Variants in CPQ observed in about 807,000 individuals in gnomAD.
CPQ encodes carboxypeptidase Q.
CPQ carries 37 observed loss-of-function variants against 45.7 expected under a neutral mutation model. That is an observed-to-expected ratio of 0.81 (90% CI 0.62 to 1.07). The LOEUF is 1.07. Among genes scored for constraint, CPQ ranks in the 50% least tolerant of loss-of-function variants. CPQ has a pLI of 0.00. For missense variants in CPQ, 537 were observed against 572.9 expected (o/e 0.94, Z 0.64); for synonymous variants, 186 against 205.8 (o/e 0.90, Z 0.82).
intron 2 of CPQ, among the ~76,000 whole-genome samples, chr8:96,804,529 A>C (rs1445067220): frequency 6.6e-6 from 1 of 152,084 alleles, no homozygotes; most frequent in African/African-American, 2.4e-5. Context: ...TTTATTTGAT[A>C]CAAGAATTCC....
intron 7 of CPQ, among the ~76,000 whole-genome samples, chr8:97,083,320 GC>G (rs1430354272): frequency 6.6e-6 from 1 of 152,102 alleles, no homozygotes; most frequent in Non-Finnish European, 1.5e-5. Context: ...GGATGACTGG[GC>G]ATGTACTCGA....
At chr8:96,906,469 A>G (rs11988118) in intron 4 of CPQ, among the ~76,000 whole-genome samples, 2 of 152,180 alleles carry the variant, frequency 1.3e-5, no homozygotes, top group Non-Finnish European at 2.9e-5. Flanking sequence ...GTATGTATGC[A>G]TATATGTGTA....
chr8:96,992,714 T>C (rs1395057090), intron 5 of CPQ, among the ~76,000 whole-genome samples: 2 of 152,144 alleles, frequency 1.3e-5, no homozygotes, highest in Admixed American at 1.3e-4. Flanking sequence ...TATTAATAAG[T>C]ATTCAATAAA....
intron 6 of CPQ, among the ~76,000 whole-genome samples, chr8:97,038,609 T>G (rs940987755): frequency 2.1e-4 from 32 of 152,106 alleles, no homozygotes; most frequent in African/African-American, 7.7e-4. Context: ...GCAAACCACT[T>G]TTCAATCACC....
intron 1 of CPQ, among the ~76,000 whole-genome samples, chr8:96,771,111 A>G (rs1810538527): frequency 6.8e-6 from 1 of 147,378 alleles, no homozygotes. Context: ...ATAAATATAT[A>G]TATTTATATA....
chr8:96,979,109 T>A (rs998643127), intron 5 of CPQ, among the ~76,000 whole-genome samples: 2 of 150,190 alleles, frequency 1.3e-5, no homozygotes, highest in Non-Finnish European at 3.0e-5. Context: ...GAGTAGAAGA[T>A]GTCTTCATAA....
intron 2 of CPQ, among the ~76,000 whole-genome samples, chr8:96,828,755 C>T (rs2130843832): frequency 6.6e-6 from 1 of 152,204 alleles, no homozygotes; most frequent in East Asian, 1.9e-4. Flanking sequence ...ACCACCATGT[C>T]AGCCATGCTT....
intron 7 of CPQ, among the ~76,000 whole-genome samples, chr8:97,089,508 A>G (rs1226062657): frequency 6.6e-6 from 1 of 152,122 alleles, no homozygotes; most frequent in African/African-American, 2.4e-5. Context: ...ATTTTCTATT[A>G]GTACAGGAAT....
At chr8:96,813,224 A>G (rs1415395639) in intron 2 of CPQ, among the ~76,000 whole-genome samples, 1 of 152,150 alleles carries the variant, frequency 6.6e-6, no homozygotes, top group Non-Finnish European at 1.5e-5. Context: ...CTATGTAATC[A>G]AGAGATATTC....
chr8:96,966,550 G>C (rs1250800789), intron 5 of CPQ, among the ~76,000 whole-genome samples: 2 of 152,168 alleles, frequency 1.3e-5, no homozygotes, highest in African/African-American at 4.8e-5. Flanking sequence ...ATGCATGATA[G>C]GATGTTTTGC....
intron 7 of CPQ, among the ~76,000 whole-genome samples, chr8:97,095,924 A>G (rs188297812): frequency 6.6e-6 from 1 of 152,134 alleles, no homozygotes; most frequent in African/African-American, 2.4e-5. Context: ...TTTTCTTGTC[A>G]CCAAATTCTG....
intron 1 of CPQ, among the ~76,000 whole-genome samples, chr8:96,697,639 A>G (rs1475401143): frequency 1.3e-5 from 2 of 152,134 alleles, no homozygotes; most frequent in African/African-American, 2.4e-5. Flanking sequence ...AAGTATGAGA[A>G]CTGTTCAACA....
At chr8:96,822,291 T>C (rs552581525) in intron 2 of CPQ, among the ~76,000 whole-genome samples, 4 of 152,150 alleles carry the variant, frequency 2.6e-5, no homozygotes, top group Admixed American at 2.0e-4. Flanking sequence ...ATTTCCTTTA[T>C]CCATTCATTC....
At chr8:96,983,333 A>G (rs1478623039) in intron 5 of CPQ, among the ~76,000 whole-genome samples, 1 of 152,166 alleles carries the variant, frequency 6.6e-6, no homozygotes, top group African/African-American at 2.4e-5. Flanking sequence ...TCTAAGTACT[A>G]GTTTAGCTGC....
At chr8:96,984,399 G>A (rs1813966976) in intron 5 of CPQ, among the ~76,000 whole-genome samples, 1 of 152,118 alleles carries the variant, frequency 6.6e-6, no homozygotes, top group Non-Finnish European at 1.5e-5. Context: ...GGTCATGAGG[G>A]ATCTGCCCAC....
chr8:96,895,375 A>T (rs1427237803), intron 4 of CPQ, among the ~76,000 whole-genome samples: 1 of 152,164 alleles, frequency 6.6e-6, no homozygotes, highest in African/African-American at 2.4e-5. Context: ...TTTTATAGAT[A>T]CTGTCAAATC....
At chr8:96,958,003 C>T (rs917694765) in intron 4 of CPQ, among the ~76,000 whole-genome samples, 50 of 115,868 alleles carry the variant, frequency 4.3e-4, no homozygotes, top group Admixed American at 2.2e-3. Flanking sequence ...CCACTACACC[C>T]GGCTATTTTT....
chr8:96,761,728 G>T (rs1260073525), intron 1 of CPQ, among the ~76,000 whole-genome samples: 1 of 152,146 alleles, frequency 6.6e-6, no homozygotes, highest in African/African-American at 2.4e-5. Context: ...TGGTTCACAG[G>T]ATTGTTGTGG....
chr8:96,864,306 A>G (rs1337166725), intron 3 of CPQ, among the ~76,000 whole-genome samples: 1 of 152,074 alleles, frequency 6.6e-6, no homozygotes, highest in Non-Finnish European at 1.5e-5. Flanking sequence ...CCAGTTGGAA[A>G]TGATGGAAGA....
Sources: gnomAD v4.1 joint callset for allele counts (sites outside exome capture counted in the v4.1 genomes callset) on GRCh38, gnomAD v4.1.1 for gene constraint, MANE v1.5 for transcripts, NCBI Gene and HGNC (gene_info 2026-07-23, HGNC 2026-07-21) for gene names.